The following ANKRD11 variants were observed in gnomAD, a reference collection of about 807,000 sequenced individuals.
The protein encoded by ANKRD11 is ankyrin repeat domain-containing protein 11.
A neutral mutation model predicts 195.7 loss-of-function variants in ANKRD11; 17 were observed. That is an observed-to-expected ratio of 0.09 (90% CI 0.06 to 0.13). ANKRD11 has a LOEUF of 0.13. Among genes scored for constraint, ANKRD11 ranks in the 10% least tolerant of loss-of-function variants. The pLI is 1.00. For missense variants in ANKRD11, 3,735 were observed against 3,566.1 expected, an observed-to-expected ratio of 1.05 and a Z score of -1.21; for synonymous variants, 1,953 against 1,528.1, an observed-to-expected ratio of 1.28 and a Z score of -6.49.
intron 2 of ANKRD11, among the ~76,000 whole-genome samples, chr16:89,358,660 T>C (rs1304184171): frequency 1.3e-5 from 2 of 152,250 alleles, no homozygotes; most frequent in Non-Finnish European, 2.9e-5. Flanking sequence ...TTACCCAGGA[T>C]GCTGCCTGCA....
In ANKRD11 at chr16:89,342,538, T is replaced by G. The variant is rs145889860; in HGVS notation, c.-59-25460A>C. On this transcript the variant is annotated intron_variant, in intron 2 of 12. Coordinates refer to ENST00000301030, the MANE Select transcript of ANKRD11 (RefSeq NM_013275.6). ...ACTCGCTGCGGCCTGCGTGGCTCTC[T>G]CCTAGCACACCACGTGCCTGAGCAG... Among the ~76,000 whole-genome samples, 5 of 152,360 alleles carry G rather than the reference T, an allele frequency of 3.3e-5. No homozygotes were observed. The East Asian group carries it at 9.6e-4, about 29-fold the overall frequency.
intron 1 of ANKRD11, among the ~76,000 whole-genome samples, chr16:89,429,314 G>T: frequency 1.7e-5 from 1 of 58,650 alleles, no homozygotes; most frequent in South Asian, 7.4e-4. Context: ...CAACTCTCGC[G>T]CTCAGACGTT....
At chr16:89,482,754 T>C (rs977684930) in intron 1 of ANKRD11, among the ~76,000 whole-genome samples, 4 of 152,126 alleles carry the variant, frequency 2.6e-5, no homozygotes, top group Admixed American at 2.6e-4. Flanking sequence ...ATTGTGCCAC[T>C]GCACTCCAGC....
In ANKRD11 at chr16:89,295,985, C is replaced by CT. The variant is rs60214636; in HGVS notation, c.227-4803dup. Among the ~76,000 whole-genome samples the CT allele has an allele frequency of 8.0e-3, 363 of 45,132 alleles. 44 individuals are homozygous for CT. Among genetic ancestry groups the CT allele is most frequent in the East Asian group, 0.073 (111 of 1,530 alleles). The allele number at this position is 45,132 out of a possible 152,430, so 29.6% of individuals were successfully genotyped here. A position where few individuals can be genotyped will look rare whatever the true frequency, so the allele number is the denominator to read the frequency against. On this transcript the variant is annotated intron_variant, in intron 4 of 12. Coordinates refer to ENST00000301030, the MANE Select transcript of ANKRD11 (RefSeq NM_013275.6). ...GGGAGTGTCTTCTCTATCTGGCTGC[C>CT]TTTTTTTTTTTTTTTTTTTTTGAGA...
chr16:89,411,758 C>A (rs993055686), intron 2 of ANKRD11, among the ~76,000 whole-genome samples: 1 of 152,148 alleles, frequency 6.6e-6, no homozygotes, highest in Non-Finnish European at 1.5e-5. Flanking sequence ...ATCATTTTTC[C>A]CAATGGACAA....
chr16:89,370,864 A>T (rs1346954341), intron 2 of ANKRD11: 3 of 152,342 alleles, frequency 2.0e-5, no homozygotes, highest in African/African-American at 7.2e-5. Flanking sequence ...GCCTCTCAAA[A>T]GGCCAAGCCT....
intron 2 of ANKRD11, among the ~76,000 whole-genome samples, chr16:89,356,063 G>C (rs1282620986): frequency 6.6e-6 from 1 of 152,180 alleles, no homozygotes; most frequent in Non-Finnish European, 1.5e-5. Flanking sequence ...CCTGGGCACT[G>C]GAGTGAGACT....
rs541250965 is a variant in ANKRD11, at chr16:89,274,824, A to G, written c.7703T>C (p.Leu2568Pro). Residue 2568 changes from leucine (L) to proline (P), a missense_variant, in exon 11 of 13, where the codon CTG becomes CCG. Coordinates refer to ENST00000301030, the MANE Select transcript of ANKRD11 (RefSeq NM_013275.6). ...LLDSEVYNMP[L>P]ESQGDENKSV... is the part of the protein sequence containing the mutation. The stretch of plus-strand genomic sequence containing the variant: ...GCAGACGGGCCCTACCTGGCTCTCC[A>G]GGGGCATGTTGTAGACCTCGGAGTC... The G allele has an allele frequency of 6.2e-7, 1 of 1,611,232 alleles. No homozygotes were observed. Among genetic ancestry groups the G allele is most frequent in the Non-Finnish European group, 8.5e-7 (1 of 1,179,844 alleles).
At chr16:89,290,389 AGG>A (rs2034971752) in intron 6 of ANKRD11, among the ~76,000 whole-genome samples, 1 of 28,848 alleles carries the variant, frequency 3.5e-5, no homozygotes, top group African/African-American at 1.5e-4. Flanking sequence ...CCAGCGGGGG[AGG>A]CTCAGGGCTC....
At chr16:89,393,246 T>A (rs1274046651) in intron 2 of ANKRD11, among the ~76,000 whole-genome samples, 1 of 152,176 alleles carries the variant, frequency 6.6e-6, no homozygotes, top group Non-Finnish European at 1.5e-5. Flanking sequence ...GCTCCCACCC[T>A]GGGACCAAGA....
At chr16:89,310,283 G>C (rs1445100484) in intron 3 of ANKRD11, among the ~76,000 whole-genome samples, 2 of 152,198 alleles carry the variant, frequency 1.3e-5, no homozygotes, top group South Asian at 4.1e-4. Flanking sequence ...GCTCTCTTCT[G>C]TTCCACTCAC....
At chr16:89,417,567 G>C (rs1398632635) in intron 2 of ANKRD11, among the ~76,000 whole-genome samples, 3 of 152,044 alleles carry the variant, frequency 2.0e-5, no homozygotes. Context: ...AAGGAGTCAG[G>C]GCTGGCGAAC....
rs114588269 is a variant in ANKRD11 at position 89,287,500 on chromosome 16, G to A, written c.744+1028C>T. On this transcript the variant is annotated intron_variant, in intron 7 of 12. Coordinates refer to ENST00000301030, the MANE Select transcript of ANKRD11 (RefSeq NM_013275.6). Reference sequence around the variant, plus strand: ...ACAGAACTATAAAGCTGCATCGGATGCCCCAGCCCCATCACCCTCCAGGGC... The same window carrying A: ...ACAGAACTATAAAGCTGCATCGGATACCCCAGCCCCATCACCCTCCAGGGC... 8.8e-4 allele frequency: 183 copies of A among 207,312 alleles called. 1 individual carries two copies. Among genetic ancestry groups the A allele is most frequent in the African/African-American group, 4.0e-3 (172 of 42,968 alleles). The allele number at this position is 207,312 out of a possible 1,614,324, so 12.8% of individuals were successfully genotyped here. A position where few individuals can be genotyped will look rare whatever the true frequency, so the allele number is the denominator to read the frequency against.
Position 89,288,675 on chromosome 16 carries a change from A to T in ANKRD11, c.602-5T>A. The T allele has an allele frequency of 1.9e-6, 3 of 1,614,054 alleles. No individual in the cohort carries two copies. Among genetic ancestry groups the T allele is most frequent in the Non-Finnish European group, 1.7e-6 (2 of 1,180,034 alleles). On this transcript the variant is annotated splice_region_variant and splice_polypyrimidine_tract_variant and intron_variant, in intron 6 of 12. Coordinates refer to ENST00000301030, the MANE Select transcript of ANKRD11 (RefSeq NM_013275.6). ...CCTCGTGCAGCGCCGTCCAGCCTGG[A>T]AACAGACACTCAGGACGTACGTTAT...
At chr16:89,293,725 G>T (rs1339814917) in intron 4 of ANKRD11, among the ~76,000 whole-genome samples, 26 of 111,036 alleles carry the variant, frequency 2.3e-4, no homozygotes, top group African/African-American at 3.8e-4. Context: ...TGGGGCAGAG[G>T]TGGGGCTGCG....
intron 2 of ANKRD11, among the ~76,000 whole-genome samples, chr16:89,356,538 G>A (rs937594100): frequency 9.9e-5 from 15 of 151,592 alleles, no homozygotes; most frequent in East Asian, 1.9e-4. Context: ...TTGGGAGGCC[G>A]AGGCGGGCGG....
intron 1 of ANKRD11, among the ~76,000 whole-genome samples, chr16:89,425,234 G>T (rs1166876814): frequency 6.6e-6 from 1 of 152,246 alleles, no homozygotes; most frequent in East Asian, 1.9e-4. Flanking sequence ...TGAGGCCCTA[G>T]AAGTGTGAGA....
rs528714501 is a variant in ANKRD11 at position 89,343,082 on chromosome 16, G to C, written c.-59-26004C>G. Among the ~76,000 whole-genome samples the C allele has an allele frequency of 2.0e-4, 30 of 152,292 alleles. 1 individual carries two copies. The Middle Eastern group carries it at 0.01, about 52-fold the overall frequency. ...GTCACCCAGGCTGGAGTGCAGTGGT[G>C]CGATCTCGGCTCACTGCAGCCTCAG... On this transcript the variant is annotated intron_variant, in intron 2 of 12. Transcript: ENST00000301030.
At chr16:89,484,744 G>A (rs1438100060) in intron 1 of ANKRD11, among the ~76,000 whole-genome samples, 1 of 152,078 alleles carries the variant, frequency 6.6e-6, no homozygotes, top group Non-Finnish European at 1.5e-5. Context: ...AGTAATGAAG[G>A]GGAAAGTCTT....
Sources: allele counts gnomAD v4.1 joint callset (sites outside exome capture counted in the v4.1 genomes callset), GRCh38; gene constraint gnomAD v4.1.1; transcripts MANE v1.5; gene names NCBI Gene and HGNC (gene_info 2026-07-23, HGNC 2026-07-21).